ELAC1: variants seen among roughly 807,000 people sequenced by gnomAD.
ELAC1 encodes the protein elaC ribonuclease Z 1, also known as zinc phosphodiesterase ELAC protein 1.
ELAC1 carries 19 observed loss-of-function variants against 25.8 expected under a neutral mutation model. The observed-to-expected ratio is 0.74, with a 90% CI of 0.51 to 1.08. The LOEUF (loss-of-function observed/expected upper bound fraction) is 1.08. Ranked by LOEUF, ELAC1 falls within the 50% of genes least tolerant of loss-of-function variation. ELAC1 has a pLI of 0.00. For synonymous variants in ELAC1, 148 were observed against 160.9 expected (o/e 0.92, Z 0.61); for missense variants, 403 against 434.6 (o/e 0.93, Z 0.65).
At chr18:50,982,486 A>G (rs987913769) in intron 2 of ELAC1, among the ~76,000 whole-genome samples, 5 of 152,260 alleles carry the variant, frequency 3.3e-5, no homozygotes, top group Non-Finnish European at 7.3e-5. Flanking sequence ...TTATAGCATC[A>G]AACGTTTAAA....
intron 2 of ELAC1, among the ~76,000 whole-genome samples, chr18:50,983,155 GTTTTTTTTT>G (rs552455433): frequency 0.034 from 2,059 of 60,890 alleles, 72 homozygotes; most frequent in African/African-American, 0.12. Context: ...TTTACTTGGT[GTTTTTTTTT>G]TTTTTTTTTT....
chr18:50,974,479 C>T lies in ELAC1; in HGVS notation c.75C>T (p.Val25=), dbSNP rs758608188. The T allele has an allele frequency of 8.1e-6, 13 of 1,609,398 alleles. No individual in the cohort carries two copies. In the African/African-American group the frequency reaches 9.4e-5, roughly 12 times the overall value. ...CAACCCGGGGTGCCTCTGCTGTGGT[C>T]CTTCGGTGTGAAGGCGAGTGCTGGC... ...PSPTRGASAV[V]LRCEGECWLF... Residue 25 remains valine, a synonymous_variant, in exon 2 of 4, where the codon GTC becomes GTT. Transcript: ENST00000269466.
intron 2 of ELAC1, among the ~76,000 whole-genome samples, chr18:50,976,865 A>G (rs913122210): frequency 1.3e-5 from 2 of 152,268 alleles, no homozygotes; most frequent in Admixed American, 6.5e-5. Flanking sequence ...GGGTACAGGC[A>G]TTGGGTAAAT....
chr18:50,970,769 A>C (rs963944567), intron 1 of ELAC1, among the ~76,000 whole-genome samples: 1 of 152,140 alleles, frequency 6.6e-6, no homozygotes, highest in Admixed American at 6.5e-5. Context: ...TTGAAACATA[A>C]TGCAATAAAT....
Position 50,988,022 on chromosome 18 carries a change from C to G in ELAC1, c.*937C>G, listed in dbSNP as rs1164911460. 2 of 152,124 alleles carry G rather than the reference C, an allele frequency of 1.3e-5. No homozygotes were observed. Among genetic ancestry groups the G allele is most frequent in the African/African-American group, 4.8e-5 (2 of 41,412 alleles). 9.4% of individuals were successfully genotyped at this position (152,124 alleles called of 1,614,324 possible). On this transcript the variant is annotated 3_prime_UTR_variant, in exon 4 of 4. Transcript: ENST00000269466. The stretch of plus-strand genomic sequence containing the variant: ...CAAATAACATTCAAAAGAAATGAGC[C>G]ATTAAGTGAAGCTTATGAACCTGGA...
rs771744590 is a variant in ELAC1, at chr18:50,986,781, T to G, written c.788T>G (p.Val263Gly). 1.2e-6 allele frequency: 2 copies of G among 1,613,858 alleles called. No individual in the cohort carries two copies. Among genetic ancestry groups the G allele is most frequent in the Non-Finnish European group, 1.7e-6 (2 of 1,179,958 alleles). Reference sequence around the variant, plus strand: ...TCTGGGGTTGTGGGTGATGGAGGAGTAAAACTGTGCTTTGAAGCAGACCTG... The same window carrying G: ...TCTGGGGTTGTGGGTGATGGAGGAGGAAAACTGTGCTTTGAAGCAGACCTG... ...DCSGVVGDGGVKLCFEADLLI... is the reference protein window; with the variant it reads ...DCSGVVGDGGGKLCFEADLLI... The change falls in exon 4 of 4, where the codon GTA becomes GGA. Residue 263 changes from valine (V) to glycine (G), a missense_variant. Transcript: ENST00000269466.
intron 3 of ELAC1, among the ~76,000 whole-genome samples, chr18:50,985,968 A>G (rs1908098094): frequency 1.3e-5 from 2 of 150,728 alleles, no homozygotes; most frequent in Admixed American, 1.3e-4. Context: ...TTTTTTATTA[A>G]GTTACTTTGT....
chr18:50,975,446 GTTAT>G (rs1217881344), intron 2 of ELAC1, among the ~76,000 whole-genome samples: 1 of 151,584 alleles, frequency 6.6e-6, no homozygotes, highest in Non-Finnish European at 1.5e-5. Flanking sequence ...CTGAAATTAT[GTTAT>G]TTAGTTTGTT....
chr18:50,983,552 G>A (rs1014125677), intron 2 of ELAC1, among the ~76,000 whole-genome samples: 2 of 150,698 alleles, frequency 1.3e-5, no homozygotes, highest in Non-Finnish European at 3.0e-5. Context: ...TATGAAAAAT[G>A]TTATATCTTA....
intron 1 of ELAC1, chr18:50,969,261 C>G (rs1907586210): frequency 6.6e-6 from 1 of 151,944 alleles, no homozygotes; most frequent in African/African-American, 2.4e-5. Flanking sequence ...TATTTTGTTC[C>G]CTGTATTTTA....
chr18:50,980,763 GAAAAAAA>G (rs761954317), intron 2 of ELAC1, among the ~76,000 whole-genome samples: 1 of 67,842 alleles, frequency 1.5e-5, no homozygotes, highest in Non-Finnish European at 3.3e-5. Context: ...ACTCCATCTC[GAAAAAAA>G]AAAAAAAAAA....
rs1294038718 is a variant in ELAC1, at chr18:50,988,094, C to T, written c.*1009C>T. ...AAACTGAGGTTTCATTGACGTGTCC[C>T]TATTAATAAACGTTATTTGCCCCAC... On this transcript the variant is annotated 3_prime_UTR_variant, in exon 4 of 4. Coordinates refer to ENST00000269466, the MANE Select transcript of ELAC1 (RefSeq NM_018696.3). 6.6e-6 allele frequency: 1 copy of T among 152,180 alleles called. No individual in the cohort carries two copies. Among genetic ancestry groups the T allele is most frequent in the African/African-American group, 2.4e-5 (1 of 41,436 alleles). 9.4% of individuals were successfully genotyped at this position (152,180 alleles called of 1,614,324 possible).
In ELAC1 at chr18:50,987,175, A is replaced by T; in HGVS notation, c.*90A>T. ...TTTTTATTTCTTGTTTTAGTCTGAA[A>T]TTATTTGGGCCCTAATAATCCTAAA... On this transcript the variant is annotated 3_prime_UTR_variant, in exon 4 of 4. Transcript: ENST00000269466. The T allele has an allele frequency of 2.0e-6, 2 of 992,710 alleles. No individual in the cohort carries two copies. The highest frequency in any genetic ancestry group is 2.7e-5 in the East Asian group (1 of 37,280). The allele number at this position is 992,710 out of a possible 1,614,324, so 61.5% of individuals were successfully genotyped here.
chr18:50,974,816 T>A (rs1243335373), intron 2 of ELAC1, among the ~76,000 whole-genome samples: 1 of 152,188 alleles, frequency 6.6e-6, no homozygotes, highest in Admixed American at 6.5e-5. Flanking sequence ...TTGGGAAATG[T>A]CGTGGGATAC....
rs866882510 is a variant in ELAC1, at chr18:50,987,882, G to A, written c.*797G>A. ...GCAGGCCCATTGAGATACACAGCAA[G>A]TTAGTTTATACTCTTGATGTGAATA... On this transcript the variant is annotated 3_prime_UTR_variant, in exon 4 of 4. Transcript: ENST00000269466. 1 of 152,144 alleles carries A rather than the reference G, an allele frequency of 6.6e-6. No homozygotes were observed. Among genetic ancestry groups the A allele is most frequent in the Non-Finnish European group, 1.5e-5 (1 of 68,034 alleles). 9.4% of individuals were successfully genotyped at this position (152,144 alleles called of 1,614,324 possible).
At chr18:50,977,409 C>CA (rs899698694) in intron 2 of ELAC1, among the ~76,000 whole-genome samples, 2 of 152,240 alleles carry the variant, frequency 1.3e-5, no homozygotes, top group African/African-American at 4.8e-5. Flanking sequence ...GCAGGCCCAA[C>CA]ACCACATCTA....
chr18:50,978,710 G>A lies in ELAC1; in HGVS notation c.157+4149G>A, dbSNP rs8083387. Among the ~76,000 whole-genome samples, 351 of 152,292 alleles carry A rather than the reference G, an allele frequency of 2.3e-3. 2 individuals carry two copies. Among genetic ancestry groups the A allele is most frequent in the Middle Eastern group, 6.8e-3 (2 of 294 alleles). ...TATTGAAGTATAGAGATGGAGATGA[G>A]AGATTCAATTTAAGAGATACTTGTA... is the stretch of plus-strand genomic sequence containing the variant. On this transcript the variant is annotated intron_variant, in intron 2 of 3. Transcript: ENST00000269466.
At position 50,987,059 on chromosome 18, in the gene ELAC1, G is replaced by A; in HGVS notation, c.1066G>A (p.Val356Met). The change falls in exon 4 of 4, where the codon GTG becomes ATG. Residue 356 changes from valine (V) to methionine (M), a missense_variant. Physicochemically the swap from Val to Met is conservative, Grantham distance 21. Coordinates refer to ENST00000269466, the MANE Select transcript of ELAC1 (RefSeq NM_018696.3). ...AGTGACTCTAGCAGAAGATTTTATG[G>A]TGATAAGCATTCCAATCAAGAAATG... ...QEVTLAEDFM[V>M]ISIPIKK The A allele has an allele frequency of 6.4e-7, 1 of 1,553,810 alleles. No homozygotes were observed. Among genetic ancestry groups the A allele is most frequent in the Non-Finnish European group, 8.7e-7 (1 of 1,150,402 alleles).
Position 50,978,084 on chromosome 18 carries a change from A to G in ELAC1, c.157+3523A>G, listed in dbSNP as rs188007592. Among the ~76,000 whole-genome samples, 103 of 152,310 alleles carry G rather than the reference A, an allele frequency of 6.8e-4. 1 individual carries two copies. Among genetic ancestry groups the G allele is most frequent in the Admixed American group, 6.5e-3 (100 of 15,300 alleles). On this transcript the variant is annotated intron_variant, in intron 2 of 3. Transcript: ENST00000269466. Reference sequence around the variant, plus strand: ...TTTTGGTCAAAACCATTCAACAGGAAATTCCAAACTTTCCCATGTCTTCCT... The same window carrying G: ...TTTTGGTCAAAACCATTCAACAGGAGATTCCAAACTTTCCCATGTCTTCCT...
Sources: gnomAD v4.1 joint callset for allele counts (sites outside exome capture counted in the v4.1 genomes callset) on GRCh38, gnomAD v4.1.1 for gene constraint, MANE v1.5 for transcripts, NCBI Gene and HGNC (gene_info 2026-07-23, HGNC 2026-07-21) for gene names.